Variants in LARP4B observed in about 807,000 individuals in gnomAD.
The protein encoded by LARP4B is La ribonucleoprotein 4B.
LARP4B carries 12 observed loss-of-function variants against 89.8 expected under a neutral mutation model. The observed-to-expected ratio is 0.13, with a 90% CI of 0.09 to 0.22. LARP4B has a LOEUF of 0.22. Among genes scored for constraint, LARP4B ranks in the 10% least tolerant of loss-of-function variants. The probability of loss-of-function intolerance (pLI) is 1.00; values close to 1 mark genes in which losing one functional copy is unlikely to be tolerated. For synonymous variants in LARP4B, 367 were observed against 363.3 expected, an observed-to-expected ratio of 1.01 and a Z score of -0.12; for missense variants, 757 against 947.7, an observed-to-expected ratio of 0.80 and a Z score of 2.64.
intron 3 of LARP4B, among the ~76,000 whole-genome samples, chr10:883,886 A>G (rs1588961646): frequency 6.6e-6 from 1 of 152,236 alleles, no homozygotes; most frequent in East Asian, 1.9e-4. Flanking sequence ...TACATAAAAT[A>G]TTTTTACTTT....
rs763367235 is a variant in LARP4B, at chr10:820,836, G to A, written c.1494C>T (p.Ser498=). 3 of 1,613,782 alleles carry A rather than the reference G, an allele frequency of 1.9e-6. No homozygotes were observed. In the Admixed American group the frequency reaches 5.0e-5, roughly 27 times the overall value. Residue 498 remains serine (S), a synonymous_variant, in exon 14 of 18, where the codon TCC becomes TCT. Coordinates refer to ENST00000316157, the MANE Select transcript of LARP4B (RefSeq NM_015155.3). ...SPGLGRGRKN[S]FGYRKKREEK... ...CCTCCCTTTTCTTCCGGTAGCCAAA[G>A]GAATTCTTCCTAGAGGAGTGGAAAG...
At chr10:943,290 G>T in the LARP4B span, among the ~76,000 whole-genome samples, 3 of 152,152 alleles carry the variant, frequency 2.0e-5, no homozygotes, top group Non-Finnish European at 4.4e-5. Flanking sequence ...TTTGCCTGCT[G>T]TGTGTTATTC....
the LARP4B span, among the ~76,000 whole-genome samples, chr10:944,491 T>C: frequency 6.6e-6 from 1 of 152,314 alleles, no homozygotes; most frequent in Non-Finnish European, 1.5e-5. Flanking sequence ...TGCTTCCCCA[T>C]CTGCATGGGG....
At position 911,143 on chromosome 10, in the gene LARP4B, G is replaced by GT. The variant is rs140692231; in HGVS notation, c.-40+20284dup. ...TAACACAGGACAGTTGTGAGCAGCA[G>GT]TAGCCAAAATGAGCATCCTTTAAGT... On this transcript the variant is annotated intron_variant, in intron 1 of 17. Transcript: ENST00000316157. Among the ~76,000 whole-genome samples the GT allele has an allele frequency of 3.8e-4, 58 of 152,344 alleles. No homozygotes were observed. In the East Asian group the frequency reaches 0.01, roughly 27 times the overall value.
At chr10:894,878 T>C (rs566845126) in intron 1 of LARP4B, among the ~76,000 whole-genome samples, 165 of 152,316 alleles carry the variant, frequency 1.1e-3, no homozygotes, top group Non-Finnish European at 2.0e-3. Flanking sequence ...TCTCTACTTC[T>C]ATGTGTTTAA....
At chr10:948,603 C>T in the LARP4B span, among the ~76,000 whole-genome samples, 1 of 152,216 alleles carries the variant, frequency 6.6e-6, no homozygotes, top group African/African-American at 2.4e-5. Flanking sequence ...ACTTGTGGCC[C>T]AGGCACAGAC....
At position 825,086 on chromosome 10, in the gene LARP4B, G is replaced by A. The variant is rs749767169; in HGVS notation, c.1463C>T (p.Ser488Phe). The change falls in exon 13 of 18, where the codon TCT becomes TTT. Residue 488 changes from serine to phenylalanine, a missense_variant. Physicochemically the swap from Ser to Phe is radical, Grantham distance 155 (BLOSUM62 -2). This residue lies in a region of LARP4B where 387 missense variants were observed against 423.6 expected (regional missense o/e 0.91). Transcript: ENST00000316157. ...TCACCTTCCCCTCCCTAAACCAGGA[G>A]AGGATTCGAGACTGCCTGGCTCCAC... ...GRVEPGSLES[S>F]PGLGRGRKNS... 2 of 1,614,028 alleles carry A rather than the reference G, an allele frequency of 1.2e-6. No homozygotes were observed. Among genetic ancestry groups the A allele is most frequent in the East Asian group, 2.2e-5 (1 of 44,904 alleles).
At chr10:979,088 G>A in the LARP4B span, among the ~76,000 whole-genome samples, 1 of 152,116 alleles carries the variant, frequency 6.6e-6, no homozygotes. Flanking sequence ...TTGGTATTCT[G>A]CATTCTGTCT....
chr10:833,272 A>ACAAAAAAC (rs1364400076), intron 8 of LARP4B, among the ~76,000 whole-genome samples: 1 of 148,316 alleles, frequency 6.7e-6, no homozygotes, highest in African/African-American at 2.5e-5. Context: ...AAAAAAAAAA[A>ACAAAAAAC]AAAAAAAAAA....
intron 1 of LARP4B, among the ~76,000 whole-genome samples, chr10:914,281 A>G (rs1171058611): frequency 6.6e-6 from 1 of 152,206 alleles, no homozygotes; most frequent in Admixed American, 6.5e-5. Context: ...AATTTTATAT[A>G]CAGAGCATAT....
chr10:901,128 C>CCAAG (rs34659517), intron 1 of LARP4B, among the ~76,000 whole-genome samples: 1 of 150,380 alleles, frequency 6.6e-6, no homozygotes, highest in South Asian at 2.1e-4. Flanking sequence ...ACCATGTTGG[C>CCAAG]CTGGTTTCGA....
intron 7 of LARP4B, among the ~76,000 whole-genome samples, chr10:836,750 A>G (rs1051953326): frequency 6.6e-6 from 1 of 152,230 alleles, no homozygotes; most frequent in Non-Finnish European, 1.5e-5. Flanking sequence ...CACTAAGAGC[A>G]GATGAAAATA....
upstream of LARP4B, among the ~76,000 whole-genome samples, chr10:932,576 A>C (rs1291650006): frequency 1.9e-5 from 1 of 52,112 alleles, no homozygotes; most frequent in Non-Finnish European, 3.7e-5. Context: ...CCCACCCCAC[A>C]CCCGGGACCA....
intron 1 of LARP4B, among the ~76,000 whole-genome samples, chr10:924,213 C>T (rs995782145): frequency 1.3e-5 from 2 of 152,208 alleles, no homozygotes; most frequent in South Asian, 2.1e-4. Context: ...TGGACTCCAG[C>T]CTGGGTGACA....
chr10:810,750 T>G lies in LARP4B; in HGVS notation c.*2176A>C, dbSNP rs1419470945. ...GGTTGCCTCCCAGCTTTCTGAGTAT[T>G]GAGAGTTTGGGTTTCACAGATCAAT... On this transcript the variant is annotated 3_prime_UTR_variant, in exon 18 of 18. Transcript: ENST00000316157. The G allele has an allele frequency of 6.6e-6, 1 of 151,664 alleles. No homozygotes were observed. Among genetic ancestry groups the G allele is most frequent in the African/African-American group, 2.4e-5 (1 of 41,266 alleles). The allele number at this position is 151,664 out of a possible 1,614,324, so 9.4% of individuals were successfully genotyped here. A position where few individuals can be genotyped will look rare whatever the true frequency, so the allele number is the denominator to read the frequency against.
At chr10:847,995 G>A (rs186326620) in intron 5 of LARP4B, among the ~76,000 whole-genome samples, 5 of 152,334 alleles carry the variant, frequency 3.3e-5, no homozygotes, top group African/African-American at 1.2e-4. Flanking sequence ...AGGCCAGACA[G>A]CAGGAGGAGC....
chr10:843,580 T>C (rs753384036), intron 6 of LARP4B, among the ~76,000 whole-genome samples: 31 of 151,940 alleles, frequency 2.0e-4, no homozygotes, highest in Non-Finnish European at 4.0e-4. Context: ...GCACCTGTAA[T>C]CCCAGCTACT....
At position 921,652 on chromosome 10, in the gene LARP4B, A is replaced by G. The variant is rs559906793; in HGVS notation, c.-40+9776T>C. Among the ~76,000 whole-genome samples, 36 of 152,278 alleles carry G rather than the reference A, an allele frequency of 2.4e-4. 1 individual carries two copies. Among genetic ancestry groups the G allele is most frequent in the African/African-American group, 8.7e-4 (36 of 41,558 alleles). On this transcript the variant is annotated intron_variant, in intron 1 of 17. Coordinates refer to ENST00000316157, the MANE Select transcript of LARP4B (RefSeq NM_015155.3). ...TCGGAATCCTAAGGCACACTGCAAA[A>G]GTTTACTCTTCACTGGAATTTCTCC...
chr10:833,270 A>AAAT (rs1564392057), intron 8 of LARP4B, among the ~76,000 whole-genome samples: 1 of 149,254 alleles, frequency 6.7e-6, no homozygotes, highest in South Asian at 2.1e-4. Flanking sequence ...AAAAAAAAAA[A>AAAT]AAAAAAAAAA....
Sources: gnomAD v4.1 joint callset for allele counts (sites outside exome capture counted in the v4.1 genomes callset) on GRCh38, gnomAD v4.1.1 for gene constraint, gnomAD v4.1.1 regional missense constraint, MANE v1.5 for transcripts, NCBI Gene and HGNC (gene_info 2026-07-23, HGNC 2026-07-21) for gene names.